SPOCK3: variants seen among roughly 807,000 people sequenced by gnomAD.
SPOCK3 encodes testican-3.
In SPOCK3, 30 loss-of-function variants were observed where a neutral mutation model predicts 56.6. The ratio of observed to expected loss-of-function variants is 0.53; its 90% CI spans 0.40 to 0.72. SPOCK3 has a LOEUF of 0.72. SPOCK3 is among the 30% of genes least tolerant of loss of function. The probability of loss-of-function intolerance (pLI) is 0.00; values close to 1 mark genes in which losing one functional copy is unlikely to be tolerated. For missense variants in SPOCK3, 527 were observed against 530.0 expected (o/e 0.99, Z 0.06); for synonymous variants, 196 against 183.3 (o/e 1.07, Z -0.56).
chr4:166,914,842 T>A (rs2127107801), intron 4 of SPOCK3, among the ~76,000 whole-genome samples: 1 of 152,338 alleles, frequency 6.6e-6, no homozygotes, highest in South Asian at 2.1e-4. Flanking sequence ...AAAATTGTAA[T>A]GTACTTGTAA....
At chr4:166,969,870 T>C (rs761749334) in intron 4 of SPOCK3, among the ~76,000 whole-genome samples, 21 of 152,204 alleles carry the variant, frequency 1.4e-4, no homozygotes, top group Non-Finnish European at 2.6e-4. Context: ...TATTATGTCT[T>C]CTAGCAGCTT....
chr4:167,027,295 A>G (rs538682459), intron 3 of SPOCK3, among the ~76,000 whole-genome samples: 5 of 151,974 alleles, frequency 3.3e-5, no homozygotes, highest in Non-Finnish European at 2.9e-5. Context: ...TGCACTTTTC[A>G]TCCACTTTCT....
chr4:167,118,289 G>A (rs815217), intron 2 of SPOCK3, among the ~76,000 whole-genome samples: 66,153 of 151,850 alleles, frequency 0.44, 15,368 homozygotes, highest in African/African-American at 0.6. Flanking sequence ...ATCTTATTTA[G>A]GTGCTTTCTT....
At chr4:166,887,153 TCTC>T (rs1217854593) in intron 6 of SPOCK3, among the ~76,000 whole-genome samples, 1 of 152,184 alleles carries the variant, frequency 6.6e-6, no homozygotes, top group East Asian at 1.9e-4. Context: ...GAGATCCTCT[TCTC>T]AGATGTGCTA....
chr4:167,037,968 G>A (rs1371737489), intron 3 of SPOCK3, among the ~76,000 whole-genome samples: 1 of 152,096 alleles, frequency 6.6e-6, no homozygotes, highest in African/African-American at 2.4e-5. Flanking sequence ...CACAGAAACA[G>A]AAAGCTCTGG....
At position 167,205,322 on chromosome 4, in the gene SPOCK3, A is replaced by ATTTTATATC. The variant is rs1561321275; in HGVS notation, c.189+28662_189+28663insGATATAAAA. ...ATAATATATATTATATATTTTATAT[A>ATTTTATATC]TATAATATATATTATATATTATATA... On this transcript the variant is annotated intron_variant, in intron 2 of 10. Transcript: ENST00000357545. Among the ~76,000 whole-genome samples, 200 of 50,464 alleles carry ATTTTATATC rather than the reference A, an allele frequency of 4.0e-3. 1 individual carries two copies. The highest frequency in any genetic ancestry group is 0.014 in the Middle Eastern group (1 of 70). 33.1% of individuals were successfully genotyped at this position (50,464 alleles called of 152,430 possible).
chr4:166,968,713 T>C (rs1052785895), intron 4 of SPOCK3, among the ~76,000 whole-genome samples: 8 of 148,896 alleles, frequency 5.4e-5, no homozygotes, highest in African/African-American at 2.1e-4. Context: ...ATGGAGAACC[T>C]CTACTAGGGC....
In SPOCK3 at chr4:166,889,143, T is replaced by C. The variant is rs1348952615; in HGVS notation, c.576A>G (p.Arg192=). ...CPSDKPTSTS[R]NVKRACSDLE... ...TTTGTCACTTACCTCTCTTAACATT[T>C]CTGCTTGTACTGGTGGGCTTATCTG... is the stretch of plus-strand genomic sequence containing the variant. The change falls in exon 6 of 11, where the codon AGA becomes AGG. Residue 192 remains arginine (R), a synonymous_variant. Transcript: ENST00000357545. 1.9e-6 allele frequency: 3 copies of C among 1,603,530 alleles called. No homozygotes were observed. Among genetic ancestry groups the C allele is most frequent in the South Asian group, 2.2e-5 (2 of 90,614 alleles).
At chr4:166,799,587 G>T (rs1742326805) in intron 6 of SPOCK3, among the ~76,000 whole-genome samples, 2 of 152,030 alleles carry the variant, frequency 1.3e-5, no homozygotes, top group South Asian at 4.1e-4. Flanking sequence ...ATACTTAAAA[G>T]GTTCATCCAT....
intron 2 of SPOCK3, among the ~76,000 whole-genome samples, chr4:167,231,895 A>C (rs951846437): frequency 3.9e-5 from 6 of 152,280 alleles, no homozygotes; most frequent in African/African-American, 1.2e-4. Flanking sequence ...AAATGGTAAT[A>C]CTAAAACCTG....
At chr4:166,955,448 C>T (rs6856040) in intron 4 of SPOCK3, among the ~76,000 whole-genome samples, 23,286 of 145,322 alleles carry the variant, frequency 0.16, 2,667 homozygotes, top group African/African-American at 0.33. Flanking sequence ...TATAGAAATA[C>T]AAATTATAAT....
intron 6 of SPOCK3, among the ~76,000 whole-genome samples, chr4:166,805,708 A>G (rs990853486): frequency 6.6e-6 from 1 of 152,082 alleles, no homozygotes; most frequent in Non-Finnish European, 1.5e-5. Context: ...TAAGAAAATT[A>G]CTGTGGGGTA....
chr4:167,050,245 C>T (rs1009414977), intron 3 of SPOCK3, among the ~76,000 whole-genome samples: 3 of 152,148 alleles, frequency 2.0e-5, no homozygotes, highest in Non-Finnish European at 2.9e-5. Flanking sequence ...ACACAAAATT[C>T]TCAGTACTAC....
chr4:167,202,397 A>G (rs1424566844), intron 2 of SPOCK3, among the ~76,000 whole-genome samples: 2 of 151,986 alleles, frequency 1.3e-5, no homozygotes, highest in African/African-American at 2.4e-5. Context: ...GATTGTCTAC[A>G]TGACAGTTTA....
At chr4:167,029,351 T>G (rs1752038698) in intron 3 of SPOCK3, among the ~76,000 whole-genome samples, 1 of 152,066 alleles carries the variant, frequency 6.6e-6, no homozygotes, top group Non-Finnish European at 1.5e-5. Context: ...TTTACCATCT[T>G]CTGTTACCAA....
At chr4:167,082,927 G>A (rs947164224) in intron 2 of SPOCK3, among the ~76,000 whole-genome samples, 13 of 151,914 alleles carry the variant, frequency 8.6e-5, no homozygotes, top group South Asian at 4.2e-4. Flanking sequence ...AAGGCCAACC[G>A]TGATACCGGA....
intron 7 of SPOCK3, among the ~76,000 whole-genome samples, chr4:166,767,004 A>T (rs938520745): frequency 3.3e-5 from 5 of 152,014 alleles, no homozygotes; most frequent in Admixed American, 6.5e-5. Flanking sequence ...CTTTGATGGT[A>T]GTTTGTATTT....
intron 4 of SPOCK3, among the ~76,000 whole-genome samples, chr4:166,960,470 T>C (rs1342015562): frequency 6.6e-6 from 1 of 152,236 alleles, no homozygotes; most frequent in Non-Finnish European, 1.5e-5. Flanking sequence ...CTCAGAATAC[T>C]CATTACCCCA....
intron 2 of SPOCK3, among the ~76,000 whole-genome samples, chr4:167,226,772 G>A (rs1736638420): frequency 6.6e-6 from 1 of 152,042 alleles, no homozygotes; most frequent in Non-Finnish European, 1.5e-5. Flanking sequence ...GATAGGAAAT[G>A]GCCATTAATA....
Sources: gnomAD v4.1 joint callset for allele counts (sites outside exome capture counted in the v4.1 genomes callset) on GRCh38, gnomAD v4.1.1 for gene constraint, MANE v1.5 for transcripts, NCBI Gene and HGNC (gene_info 2026-07-23, HGNC 2026-07-21) for gene names.